Variants in ABTB1 observed in about 807,000 individuals in gnomAD.
The protein encoded by ABTB1 is ankyrin repeat and BTB domain containing 1.
ABTB1 carries 45 observed loss-of-function variants against 57.1 expected under a neutral mutation model. The ratio of observed to expected loss-of-function variants is 0.79; its 90% CI spans 0.62 to 1.01. ABTB1 has a LOEUF of 1.01. Among genes scored for constraint, ABTB1 ranks in the 50% least tolerant of loss-of-function variants. The pLI, the probability that ABTB1 is intolerant of heterozygous loss-of-function variation, is 0.00. For synonymous variants in ABTB1, 302 were observed against 275.4 expected (o/e 1.10, Z -0.95); for missense variants, 630 against 666.3 (o/e 0.95, Z 0.60).
In ABTB1 at chr3:127,680,604, G is replaced by A; in HGVS notation, c.*129G>A. The A allele has an allele frequency of 8.6e-7, 1 of 1,165,908 alleles. No individual in the cohort carries two copies. The highest frequency in any genetic ancestry group is 1.3e-6 in the Non-Finnish European group (1 of 790,264). 72.2% of individuals were successfully genotyped at this position (1,165,908 alleles called of 1,614,324 possible). ...TCATGGGGGGTGCGAGGGGCTCAGT[G>A]GGGCTTCTCTTCCCTCCATGAGCCT... is the stretch of plus-strand genomic sequence containing the variant. On this transcript the variant is annotated 3_prime_UTR_variant, in exon 12 of 12. Coordinates refer to ENST00000232744, the MANE Select transcript of ABTB1 (RefSeq NM_172027.3).
chr3:127,676,422 G>A lies in ABTB1; in HGVS notation c.471G>A (p.Arg157=), dbSNP rs1265719407. Residue 157 remains arginine, a synonymous_variant, in exon 5 of 12, where the codon AGG becomes AGA. Coordinates refer to ENST00000232744, the MANE Select transcript of ABTB1 (RefSeq NM_172027.3). The surrounding 1 kb of genome is among the most constrained non-coding windows in gnomAD (Gnocchi z 5.4). ...KWKGKSVVVL[R]HPLINPVAFG... ...AGGGCAAGAGTGTCGTGGTTCTCAG[G>A]CACCCACTGGTATGTCCCTTCAGGG... 7 of 1,613,924 alleles carry A rather than the reference G, an allele frequency of 4.3e-6. No homozygotes were observed. Among genetic ancestry groups the A allele is most frequent in the Admixed American group, 3.3e-5 (2 of 60,002 alleles).
rs2074881910 is a variant in ABTB1 at position 127,673,019 on chromosome 3, C to T, written c.-7C>T. On this transcript the variant is annotated 5_prime_UTR_variant, in exon 1 of 12. Transcript: ENST00000232744. The stretch of plus-strand genomic sequence containing the variant: ...GGTCGTTCGGCTCGGGTACCATCCT[C>T]CGCGCCATGGACACCAGCGACCTGT... The T allele has an allele frequency of 6.4e-7, 1 of 1,565,358 alleles. No homozygotes were observed. The highest frequency in any genetic ancestry group is 8.7e-7 in the Non-Finnish European group (1 of 1,155,874).
Position 127,677,490 on chromosome 3 carries a change from C to T in ABTB1, c.788C>T (p.Pro263Leu). The T allele has an allele frequency of 6.2e-7, 1 of 1,614,162 alleles. No individual in the cohort carries two copies. The highest frequency in any genetic ancestry group is 2.2e-5 in the East Asian group (1 of 44,892). ...GGTGATCTTTGGGAGCTGCCCTTCC[C>T]TTGTCCTGACGGCTTCAACAGCTGC... is the stretch of plus-strand genomic sequence containing the variant. Reference protein sequence around the residue: ...LRGDLWELPFPCPDGFNSCPD... With the variant: ...LRGDLWELPFLCPDGFNSCPD... The change falls in exon 9 of 12, where the codon CCT becomes CTT. Residue 263 changes from proline (P) to leucine (L), a missense_variant. By Grantham distance (98) the Pro-to-Leu change is moderately conservative. Around this residue, in one of 3 missense-constraint regions of ABTB1, gnomAD observed 579 missense variants for 585.9 expected, o/e 0.99. Transcript: ENST00000232744.
At position 127,676,129 on chromosome 3, in the gene ABTB1, A is replaced by G. The variant is rs758218016; in HGVS notation, c.320+15A>G. ...TTCTTGCAGCGGTGAGCCAGGGCAC[A>G]CGAGGGGTGCAGCATGGGGTGCGGT... On this transcript the variant is annotated intron_variant, in intron 4 of 11. Transcript: ENST00000232744. The surrounding 1 kb of genome is among the most constrained non-coding windows in gnomAD (Gnocchi z 5.4). The G allele has an allele frequency of 1.2e-6, 2 of 1,612,556 alleles. No homozygotes were observed. The highest frequency in any genetic ancestry group is 1.7e-6 in the Non-Finnish European group (2 of 1,179,522).
At position 127,677,203 on chromosome 3, in the gene ABTB1, A is replaced by C; in HGVS notation, c.679A>C (p.Thr227Pro). 6.2e-7 allele frequency: 1 copy of C among 1,611,734 alleles called. No homozygotes were observed. The highest frequency in any genetic ancestry group is 8.5e-7 in the Non-Finnish European group (1 of 1,179,148). ...GCCAGGCACGTGTGTGAAGGTGCTG[A>C]CCATCGAGCCCCCACCTGCAGACCC... is the stretch of plus-strand genomic sequence containing the variant. ...SKPGTCVKVL[T>P]IEPPPADPRL... The change falls in exon 8 of 12, where the codon ACC becomes CCC. Residue 227 changes from threonine to proline, a missense_variant. Physicochemically the swap from Thr to Pro is conservative, Grantham distance 38. This residue lies in a region of ABTB1 where 579 missense variants were observed against 585.9 expected (regional missense o/e 0.99). Transcript: ENST00000232744.
rs775897880 is a variant in ABTB1 at position 127,677,223 on chromosome 3, A to G, written c.699A>G (p.Ala233=). Residue 233 remains alanine (A), a synonymous_variant, in exon 8 of 12, where the codon GCA becomes GCG. Transcript: ENST00000232744. Reference sequence around the variant, plus strand: ...TGCTGACCATCGAGCCCCCACCTGCAGACCCCCGCCTCCGGGAGGACATGG... The same window carrying G: ...TGCTGACCATCGAGCCCCCACCTGCGGACCCCCGCCTCCGGGAGGACATGG... ...VKVLTIEPPP[A]DPRLREDMAL... 2.5e-6 allele frequency: 4 copies of G among 1,607,894 alleles called. No individual in the cohort carries two copies. In the African/African-American group the frequency reaches 4.0e-5, roughly 16 times the overall value.
At position 127,680,770 on chromosome 3, in the gene ABTB1, G is replaced by T; in HGVS notation, c.*295G>T. The T allele has an allele frequency of 3.0e-6, 2 of 667,646 alleles. No individual in the cohort carries two copies. The highest frequency in any genetic ancestry group is 5.3e-6 in the Non-Finnish European group (2 of 374,558). 41.4% of individuals were successfully genotyped at this position (667,646 alleles called of 1,614,324 possible). A position where few individuals can be genotyped will look rare whatever the true frequency, so the allele number is the denominator to read the frequency against. The stretch of plus-strand genomic sequence containing the variant: ...TTGGTCTTAGCACTTTCCTTCTCCA[G>T]ATCCCCCCTACCCACCCCAGTCCCA... On this transcript the variant is annotated 3_prime_UTR_variant, in exon 12 of 12. Coordinates refer to ENST00000232744, the MANE Select transcript of ABTB1 (RefSeq NM_172027.3).
intron 3 of ABTB1, chr3:127,675,641 G>A (rs1318048464): frequency 8.4e-6 from 3 of 359,196 alleles, no homozygotes; most frequent in African/African-American, 2.0e-5. Flanking sequence ...CCTCACTAGA[G>A]TATAAGTTCA....
intron 10 of ABTB1, chr3:127,679,512 A>G (rs1349634276): frequency 6.6e-6 from 3 of 456,862 alleles, no homozygotes; most frequent in Non-Finnish European, 1.3e-5. Flanking sequence ...ATAGTCTCCC[A>G]CCCCTGGCAG....
In ABTB1 at chr3:127,674,575, G is replaced by A; in HGVS notation, c.150G>A (p.Glu50=). The part of the protein sequence containing the change: ...LYYACLCGHE[E]LVLYLLANGA... ...ATGCCTGCTTGTGTGGGCACGAGGA[G>A]CTGGTACTCTACCTTCTGGCCAATG... Residue 50 remains glutamate, a synonymous_variant, in exon 3 of 12, where the codon GAG becomes GAA. Coordinates refer to ENST00000232744, the MANE Select transcript of ABTB1 (RefSeq NM_172027.3). 1 of 1,614,212 alleles carries A rather than the reference G, an allele frequency of 6.2e-7. No individual in the cohort carries two copies. The highest frequency in any genetic ancestry group is 8.5e-7 in the Non-Finnish European group (1 of 1,180,028).
chr3:127,673,456 T>C, intron 1 of ABTB1: 1 of 166,926 alleles, frequency 6.0e-6, no homozygotes, highest in Non-Finnish European at 1.3e-5. Flanking sequence ...GTGGCCCCTT[T>C]CTCTCGTGCT....
Position 127,680,332 on chromosome 3 carries a change from C to T in ABTB1, c.1294C>T (p.Gln432Ter). The change falls in exon 12 of 12, where the codon CAG becomes TAG. Residue 432 changes from glutamine (Q) to a stop codon, truncating the protein, a stop_gained. Transcript: ENST00000232744. LOFTEE classifies it high-confidence loss of function. ...KEEAAAVAAR[Q>*]ETDSIPLVDD... ...GGAGGCAGCGGCTGTGGCAGCCCGG[C>T]AGGAGACGGACTCTATCCCGCTGGT... The T allele has an allele frequency of 6.2e-7, 1 of 1,610,360 alleles. No homozygotes were observed. The highest frequency in any genetic ancestry group is 1.7e-4 in the Middle Eastern group (1 of 5,970).
rs777912637 is a variant in ABTB1, at chr3:127,677,087, C to A, written c.643+4C>A. ...TGCGAGAAGGTGTCTGAGTTTGGTG[C>A]GAGCAGGGTTTGGGGCCCGGGGCCA... On this transcript the variant is annotated splice_donor_region_variant and intron_variant, in intron 7 of 11. Coordinates refer to ENST00000232744, the MANE Select transcript of ABTB1 (RefSeq NM_172027.3). The A allele has an allele frequency of 1.5e-5, 25 of 1,613,842 alleles. No homozygotes were observed. The highest frequency in any genetic ancestry group is 2.1e-5 in the Non-Finnish European group (25 of 1,179,934).
chr3:127,676,219 G>A lies in ABTB1; in HGVS notation c.321-53G>A. On this transcript the variant is annotated intron_variant, in intron 4 of 11. Transcript: ENST00000232744. The surrounding 1 kb of genome is among the most constrained non-coding windows in gnomAD (Gnocchi z 5.4). ...TGCACTGGGTTCTGAGTGCTCCGAGGAATGGGGTGGGGCTGTGCCAAGTAT... is the reference window on the plus strand; with the variant it reads ...TGCACTGGGTTCTGAGTGCTCCGAGAAATGGGGTGGGGCTGTGCCAAGTAT... 2.5e-6 allele frequency: 4 copies of A among 1,604,724 alleles called. No homozygotes were observed. Among genetic ancestry groups the A allele is most frequent in the Non-Finnish European group, 3.4e-6 (4 of 1,173,284 alleles).
chr3:127,680,278 CG>C lies in ABTB1; in HGVS notation c.1243del (p.Glu415ArgfsTer7), dbSNP rs2107561909. 2 of 1,613,394 alleles carry C rather than the reference CG, an allele frequency of 1.2e-6. No individual in the cohort carries two copies. Among genetic ancestry groups the C allele is most frequent in the East Asian group, 4.5e-5 (2 of 44,872 alleles). On this transcript the variant is annotated frameshift_variant, in exon 12 of 12. Transcript: ENST00000232744. LOFTEE classifies it high-confidence loss of function. Reference sequence around the variant, plus strand: ...CCCTTCCCGCTCATAGCTGGTGGAGCGGGAGGACTTCGTGGAGGCGGTGAAG... The same window carrying C: ...CCCTTCCCGCTCATAGCTGGTGGAGCGGAGGACTTCGTGGAGGCGGTGAAG... Reference protein sequence around the residue: ...MAKVIEKLVEREDFVEAVKEE... With the variant: ...MAKVIEKLVEXEDFVEAVKEE...
In ABTB1 at chr3:127,677,240, A is replaced by T; in HGVS notation, c.716A>T (p.Glu239Val). ...CCACCTGCAGACCCCCGCCTCCGGG[A>T]GGACATGGCGCTGCTGGCCGATTGT... ...EPPPADPRLR[E>V]DMALLADCAL... Residue 239 changes from glutamate (E) to valine (V), a missense_variant, in exon 8 of 12, where the codon GAG (glutamate) becomes GTG (valine). Glu to Val is a moderately radical substitution (Grantham distance 121). Transcript: ENST00000232744. 6.2e-7 allele frequency: 1 copy of T among 1,602,004 alleles called. No homozygotes were observed. Among genetic ancestry groups the T allele is most frequent in the South Asian group, 1.1e-5 (1 of 89,796 alleles).
rs1285900052 is a variant in ABTB1 at position 127,673,059 on chromosome 3, A to C, written c.34A>C (p.Lys12Gln). The C allele has an allele frequency of 6.3e-7, 1 of 1,576,732 alleles. No individual in the cohort carries two copies. Among genetic ancestry groups the C allele is most frequent in the East Asian group, 2.4e-5 (1 of 41,538 alleles). ...DTSDLFASCR[K>Q]GDVGRVRYLL... ...CAGCGACCTGTTCGCCAGCTGCAGG[A>C]AGGGGGATGTGGGCCGAGTGCGGTG... The change falls in exon 1 of 12, where the codon AAG becomes CAG. Residue 12 changes from lysine to glutamine, a missense_variant. Lys to Gln is a moderately conservative substitution (Grantham distance 53, BLOSUM62 1). This residue lies in a region of ABTB1 where 579 missense variants were observed against 585.9 expected (regional missense o/e 0.99). Transcript: ENST00000232744.
intron 1 of ABTB1, chr3:127,673,386 A>G: frequency 4.2e-6 from 1 of 237,996 alleles, no homozygotes; most frequent in Non-Finnish European, 8.0e-6. Flanking sequence ...TCGCCCTGGT[A>G]GGGCCCGGAC....
At chr3:127,678,528 GGC>G (rs1224039534) in intron 10 of ABTB1, 1 of 152,482 alleles carries the variant, frequency 6.6e-6, no homozygotes, top group Non-Finnish European at 1.5e-5. Context: ...AGGTTCTGTG[GGC>G]CATATGGCCC....
Sources: allele counts gnomAD v4.1 joint callset, GRCh38; gene constraint gnomAD v4.1.1; regional missense constraint gnomAD v4.1.1; non-coding constraint Gnocchi (gnomAD v3.1); transcripts MANE v1.5; gene names NCBI Gene and HGNC (gene_info 2026-07-23, HGNC 2026-07-21).